RBL1: variants seen among roughly 807,000 people sequenced by gnomAD.
RBL1 encodes retinoblastoma-like protein 1.
Under a neutral mutation model 123.0 loss-of-function variants are expected in RBL1, and 82 were observed. The ratio of observed to expected loss-of-function variants is 0.67; its 90% CI spans 0.56 to 0.80. RBL1 has a LOEUF of 0.80. Ranked by LOEUF, RBL1 falls within the 30% of genes least tolerant of loss-of-function variation. The pLI, the probability that RBL1 is intolerant of heterozygous loss-of-function variation, is 0.00. For synonymous variants in RBL1, 405 were observed against 441.3 expected (o/e 0.92, Z 1.03); for missense variants, 1,171 against 1,299.6 (o/e 0.90, Z 1.52).
intron 19 of RBL1, among the ~76,000 whole-genome samples, chr20:37,014,568 G>A (rs1475525632): frequency 1.3e-5 from 2 of 152,046 alleles, no homozygotes; most frequent in Non-Finnish European, 2.9e-5. Context: ...GGAGGCCAAG[G>A]CAGATGGATC....
chr20:37,036,353 C>T (rs549112421), intron 14 of RBL1, among the ~76,000 whole-genome samples: 2 of 152,248 alleles, frequency 1.3e-5, no homozygotes, highest in Admixed American at 6.5e-5. Flanking sequence ...TTTTGGCCTA[C>T]TGTGACCTCT....
At position 36,998,731 on chromosome 20, in the gene RBL1, T is replaced by A; in HGVS notation, c.*28A>T. On this transcript the variant is annotated 3_prime_UTR_variant, in exon 22 of 22. Transcript: ENST00000373664. ...AACTTTCTGCAGAACAATCTGAAAG[T>A]GCTTTTATCATAGAAACAAGAACAA... The A allele has an allele frequency of 6.3e-7, 1 of 1,577,842 alleles. No individual in the cohort carries two copies. Among genetic ancestry groups the A allele is most frequent in the Non-Finnish European group, 8.7e-7 (1 of 1,154,796 alleles).
intron 16 of RBL1, 130 bp downstream of exon 16, chr20:37,032,535 A>T: frequency 2.1e-6 from 3 of 1,406,058 alleles, no homozygotes; most frequent in Middle Eastern, 5.2e-4. Flanking sequence ...CTGTACACTT[A>T]AAAATGGTTA....
chr20:37,085,079 T>C lies in RBL1; in HGVS notation c.290+3910A>G, dbSNP rs140887537. Among the ~76,000 whole-genome samples, 106 of 151,930 alleles carry C rather than the reference T, an allele frequency of 7.0e-4. 1 individual carries two copies. In the East Asian group the frequency reaches 0.017, roughly 24 times the overall value. On this transcript the variant is annotated intron_variant, in intron 2 of 21. Coordinates refer to ENST00000373664, the MANE Select transcript of RBL1 (RefSeq NM_002895.5). ...ACTGCGCCTGGCCAGAAGAAATTAT[T>C]AATAATGGTTAATTACGGAGAGTGC...
At chr20:37,081,888 C>G (rs974264624) in intron 2 of RBL1, 1 of 410,218 alleles carries the variant, frequency 2.4e-6, no homozygotes, top group Non-Finnish European at 4.9e-6. Context: ...GGAGACTCAC[C>G]AGAGACCCCT....
At chr20:37,082,048 C>A (rs1237436315) in intron 2 of RBL1, 1 of 455,802 alleles carries the variant, frequency 2.2e-6, no homozygotes, top group South Asian at 1.6e-5. Context: ...CAGCACAGAG[C>A]ATGTGTCTCT....
At chr20:37,053,521 A>G (rs1600537940) in intron 11 of RBL1, among the ~76,000 whole-genome samples, 1 of 152,216 alleles carries the variant, frequency 6.6e-6, no homozygotes, top group African/African-American at 2.4e-5. Context: ...GTAGGCTCTC[A>G]TGACCCTGAA....
chr20:37,069,161 G>A (rs757253311), intron 2 of RBL1, among the ~76,000 whole-genome samples: 5 of 152,252 alleles, frequency 3.3e-5, no homozygotes, highest in Non-Finnish European at 1.5e-5. Flanking sequence ...CCAGGCTGGA[G>A]TGCAGTGGCG....
chr20:37,091,261 G>A (rs2065641234), intron 1 of RBL1, among the ~76,000 whole-genome samples: 1 of 152,078 alleles, frequency 6.6e-6, no homozygotes, highest in Non-Finnish European at 1.5e-5. Context: ...GGGAGGCTGA[G>A]GAAGGAGAAT....
rs990523461 is a variant in RBL1 at position 36,997,258 on chromosome 20, A to G, written c.*1501T>C. 1.3e-5 allele frequency: 2 copies of G among 152,254 alleles called. No homozygotes were observed. Among genetic ancestry groups the G allele is most frequent in the East Asian group, 3.8e-4 (2 of 5,204 alleles). The allele number at this position is 152,254 out of a possible 1,614,324, so 9.4% of individuals were successfully genotyped here. Reference sequence around the variant, plus strand: ...AAAAGCATCCCTAGTACTGAAAAGCATCCCTAACACTGAAAAAAGCATCCC... The same window carrying G: ...AAAAGCATCCCTAGTACTGAAAAGCGTCCCTAACACTGAAAAAAGCATCCC... On this transcript the variant is annotated 3_prime_UTR_variant, in exon 22 of 22. Coordinates refer to ENST00000373664, the MANE Select transcript of RBL1 (RefSeq NM_002895.5).
At chr20:37,051,550 T>C (rs1225275419) in intron 11 of RBL1, among the ~76,000 whole-genome samples, 9 of 152,134 alleles carry the variant, frequency 5.9e-5, no homozygotes, top group Non-Finnish European at 8.8e-5. Flanking sequence ...TAAAGTTACT[T>C]ATGCAAAATC....
intron 16 of RBL1, among the ~76,000 whole-genome samples, chr20:37,023,294 T>C (rs556077938): frequency 3.5e-4 from 53 of 152,130 alleles, no homozygotes; most frequent in Non-Finnish European, 6.3e-4. Flanking sequence ...GCTAAATTTT[T>C]GTATTTTTAG....
chr20:37,011,620 A>C (rs1431482917), intron 19 of RBL1, among the ~76,000 whole-genome samples: 2 of 151,814 alleles, frequency 1.3e-5, no homozygotes, highest in East Asian at 3.9e-4. Flanking sequence ...TTTTTAGTAA[A>C]GATGGGGTTT....
Position 37,003,926 on chromosome 20 carries a change from A to G in RBL1, c.2872-60T>C, listed in dbSNP as rs1050227628. 48 of 1,440,794 alleles carry G rather than the reference A, an allele frequency of 3.3e-5. No homozygotes were observed. The Admixed American group carries it at 6.0e-4, about 18-fold the overall frequency. 89.3% of individuals were successfully genotyped at this position (1,440,794 alleles called of 1,614,324 possible). A position where few individuals can be genotyped will look rare whatever the true frequency, so the allele number is the denominator to read the frequency against. On this transcript the variant is annotated intron_variant, in intron 20 of 21. Transcript: ENST00000373664. ...AAGTTTTTCTTTGTTTTTGAATCCC[A>G]TATTTTTATTCTTATGGTATCTTCT...
chr20:37,005,814 C>T (rs1260764793), intron 20 of RBL1, among the ~76,000 whole-genome samples: 1 of 150,396 alleles, frequency 6.6e-6, no homozygotes, highest in Non-Finnish European at 1.5e-5. Context: ...TCTACAGAGG[C>T]ACATAGATAC....
Position 37,068,205 on chromosome 20 carries a change from A to C in RBL1, c.291-19T>G. Reference sequence around the variant, plus strand: ...TATTAAACTAAAAAAAAAAAGGAGGAGAAAAAAGGCACCTTTAAAATTCAT... The same window carrying C: ...TATTAAACTAAAAAAAAAAAGGAGGCGAAAAAAGGCACCTTTAAAATTCAT... On this transcript the variant is annotated intron_variant, in intron 2 of 21. Coordinates refer to ENST00000373664, the MANE Select transcript of RBL1 (RefSeq NM_002895.5). 2 of 1,535,850 alleles carry C rather than the reference A, an allele frequency of 1.3e-6. No homozygotes were observed. Among genetic ancestry groups the C allele is most frequent in the African/African-American group, 2.8e-5 (2 of 71,046 alleles).
At chr20:37,088,552 T>TTATATA (rs200743854) in intron 2 of RBL1, among the ~76,000 whole-genome samples, 3,269 of 152,098 alleles carry the variant, frequency 0.021, 51 homozygotes, top group Middle Eastern at 0.037. Flanking sequence ...ATTATCTATG[T>TTATATA]TATAACTTAG....
intron 2 of RBL1, among the ~76,000 whole-genome samples, chr20:37,078,607 G>C (rs2065400485): frequency 6.6e-6 from 1 of 152,132 alleles, no homozygotes; most frequent in African/African-American, 2.4e-5. Flanking sequence ...CGTCTGCTAA[G>C]CATTGGAATC....
chr20:37,021,729 C>G (rs1163856780), intron 17 of RBL1: 1 of 161,766 alleles, frequency 6.2e-6, no homozygotes, highest in Admixed American at 6.1e-5. Context: ...AGGCATGAGC[C>G]TGCGCCCGGC....
Sources: allele counts gnomAD v4.1 joint callset (sites outside exome capture counted in the v4.1 genomes callset), GRCh38; gene constraint gnomAD v4.1.1; transcripts MANE v1.5; gene names NCBI Gene and HGNC (gene_info 2026-07-23, HGNC 2026-07-21).